The following CAMKMT variants were observed in gnomAD, a reference collection of about 807,000 sequenced individuals.
CAMKMT encodes CaM KMT.
Under a neutral mutation model 48.0 loss-of-function variants are expected in CAMKMT, and 53 were observed. That is an observed-to-expected ratio of 1.10 (90% confidence interval 0.89 to 1.39). CAMKMT has a LOEUF of 1.39. CAMKMT is among the 40% of genes most tolerant of loss of function. The pLI, the probability that CAMKMT is intolerant of heterozygous loss-of-function variation, is 0.00. For synonymous variants in CAMKMT, 165 were observed against 152.3 expected, an observed-to-expected ratio of 1.08 and a Z score of -0.61; for missense variants, 428 against 402.7, an observed-to-expected ratio of 1.06 and a Z score of -0.54.
intron 3 of CAMKMT, among the ~76,000 whole-genome samples, chr2:44,410,180 C>G (rs1238063591): frequency 8.1e-6 from 1 of 122,712 alleles, no homozygotes; most frequent in Non-Finnish European, 1.6e-5. Flanking sequence ...GACCAGTAAT[C>G]CAGTAGTAAT....
rs551804387 is a variant in CAMKMT at position 44,675,090 on chromosome 2, A to C, written c.377-29193A>C. ...TTTACCAACCTTAAGGGGGGGAAAA[A>C]AAAAAAGGCAAGCCAGCAAATGATA... On this transcript the variant is annotated intron_variant, in intron 3 of 10. Transcript: ENST00000378494. Among the ~76,000 whole-genome samples the C allele has an allele frequency of 5.3e-5, 8 of 151,856 alleles. No individual in the cohort carries two copies. The South Asian group carries it at 1.2e-3, about 24-fold the overall frequency.
chr2:44,508,183 G>C (rs900129783), intron 3 of CAMKMT, among the ~76,000 whole-genome samples: 1 of 152,194 alleles, frequency 6.6e-6, no homozygotes, highest in Admixed American at 6.5e-5. Flanking sequence ...GAGTGAATTA[G>C]TGTATCAATT....
intron 3 of CAMKMT, among the ~76,000 whole-genome samples, chr2:44,616,871 A>G (rs1315148440): frequency 2.6e-5 from 4 of 152,342 alleles, no homozygotes; most frequent in Non-Finnish European, 4.4e-5. Flanking sequence ...AGACATTTCA[A>G]ATAGAAACCA....
chr2:44,439,786 A>AAAATAAATAAAT (rs201288437), intron 3 of CAMKMT, among the ~76,000 whole-genome samples: 12 of 147,816 alleles, frequency 8.1e-5, no homozygotes, highest in East Asian at 2.0e-4. Context: ...TCCATCTCAT[A>AAAATAAATAAAT]AAATAAATAA....
chr2:44,616,066 T>A (rs895412084), intron 3 of CAMKMT, among the ~76,000 whole-genome samples: 1 of 152,118 alleles, frequency 6.6e-6, no homozygotes, highest in African/African-American at 2.4e-5. Flanking sequence ...GGACACCTCT[T>A]CTCCCCCGAC....
At chr2:44,737,669 T>A (rs1679427204) in intron 7 of CAMKMT, among the ~76,000 whole-genome samples, 1 of 152,058 alleles carries the variant, frequency 6.6e-6, no homozygotes, top group South Asian at 2.1e-4. Flanking sequence ...TTCAAGTAGT[T>A]TTCTCACATA....
chr2:44,430,845 G>A (rs529330208), intron 3 of CAMKMT, among the ~76,000 whole-genome samples: 3 of 152,154 alleles, frequency 2.0e-5, no homozygotes, highest in South Asian at 4.2e-4. Flanking sequence ...AATTAAGTAG[G>A]GTAAATTACA....
In CAMKMT at chr2:44,369,019, G is replaced by C. The variant is rs371803089; in HGVS notation, c.139-3697G>C. Among the ~76,000 whole-genome samples, 520 of 152,128 alleles carry C rather than the reference G, an allele frequency of 3.4e-3. 2 individuals carry two copies. The highest frequency in any genetic ancestry group is 0.012 in the African/African-American group (483 of 41,488). ...TCGTGCCTCAGCCTCTCAAGAACCTGGGATTACAGGTGCATGCCATGCACC... is the reference window on the plus strand; with the variant it reads ...TCGTGCCTCAGCCTCTCAAGAACCTCGGATTACAGGTGCATGCCATGCACC... On this transcript the variant is annotated intron_variant, in intron 1 of 10. Transcript: ENST00000378494.
At chr2:44,535,385 A>C (rs563357628) in intron 3 of CAMKMT, among the ~76,000 whole-genome samples, 5 of 152,302 alleles carry the variant, frequency 3.3e-5, no homozygotes, top group African/African-American at 1.2e-4. Flanking sequence ...GACTTGTTCT[A>C]TGAGGCCAGC....
At chr2:44,668,599 G>A (rs1174901236) in intron 3 of CAMKMT, among the ~76,000 whole-genome samples, 6 of 151,936 alleles carry the variant, frequency 3.9e-5, no homozygotes, top group Admixed American at 1.3e-4. Context: ...CTCACCTCCA[G>A]TTCACCCTTA....
intron 3 of CAMKMT, among the ~76,000 whole-genome samples, chr2:44,494,348 T>C (rs1192192714): frequency 1.3e-5 from 2 of 152,204 alleles, no homozygotes; most frequent in Non-Finnish European, 2.9e-5. Context: ...TTGTGAGTGG[T>C]ATTTTAATAT....
chr2:44,542,823 A>C (rs7557961), intron 3 of CAMKMT, among the ~76,000 whole-genome samples: 105,442 of 151,790 alleles, frequency 0.69, 37,258 homozygotes, highest in Middle Eastern at 0.79. Flanking sequence ...ATCATCCCAG[A>C]ATGGCTTCAT....
chr2:44,581,386 G>C (rs1249185633), intron 3 of CAMKMT, among the ~76,000 whole-genome samples: 3 of 152,128 alleles, frequency 2.0e-5, no homozygotes, highest in Non-Finnish European at 4.4e-5. Context: ...GAGCAGTAGA[G>C]CTTGGAATTA....
At chr2:44,646,323 T>G (rs1211939857) in intron 3 of CAMKMT, among the ~76,000 whole-genome samples, 1 of 147,848 alleles carries the variant, frequency 6.8e-6, no homozygotes, top group Non-Finnish European at 1.5e-5. Context: ...TTGTTTTTTG[T>G]TTTTTTTTTC....
intron 2 of CAMKMT, among the ~76,000 whole-genome samples, chr2:44,384,500 C>CTTTTTTTTTTTTTTTTTTTTTTTTT (rs141017634): frequency 2.1e-5 from 2 of 95,858 alleles, no homozygotes; most frequent in African/African-American, 6.8e-5. Flanking sequence ...AGCTATTTAT[C>CTTTTTTTTTTTTTTTTTTTTTTTTT]TTTTTTTTTT....
chr2:44,651,479 T>C (rs1048162842), intron 3 of CAMKMT, among the ~76,000 whole-genome samples: 1 of 151,820 alleles, frequency 6.6e-6, no homozygotes, highest in Non-Finnish European at 1.5e-5. Context: ...AGGTCAGGAG[T>C]TTAAGACCAG....
intron 3 of CAMKMT, among the ~76,000 whole-genome samples, chr2:44,698,673 C>T (rs1677097121): frequency 6.6e-6 from 1 of 152,198 alleles, no homozygotes; most frequent in South Asian, 2.1e-4. Context: ...TGATGGTTAG[C>T]AGGGTGATGG....
At chr2:44,467,203 G>C (rs886546353) in intron 3 of CAMKMT, among the ~76,000 whole-genome samples, 1 of 152,004 alleles carries the variant, frequency 6.6e-6, no homozygotes, top group Non-Finnish European at 1.5e-5. Context: ...GCAGCAGTGA[G>C]CTGTGATCAT....
At chr2:44,422,526 C>T (rs898080805) in intron 3 of CAMKMT, among the ~76,000 whole-genome samples, 2 of 152,124 alleles carry the variant, frequency 1.3e-5, no homozygotes, top group Non-Finnish European at 2.9e-5. Context: ...TATGGATGCT[C>T]CTCTCAGACA....
Sources: allele counts gnomAD v4.1 joint callset (sites outside exome capture counted in the v4.1 genomes callset), GRCh38; gene constraint gnomAD v4.1.1; transcripts MANE v1.5; gene names NCBI Gene and HGNC (gene_info 2026-07-23, HGNC 2026-07-21).